Variants in BMPR1B observed in about 807,000 individuals in gnomAD.
BMPR1B encodes bone morphogenetic protein receptor type-1B.
In BMPR1B, 12 loss-of-function variants were observed where a neutral mutation model predicts 59.1. That is an observed-to-expected ratio of 0.20 (90% CI 0.13 to 0.33). BMPR1B has a LOEUF of 0.33. Among genes scored for constraint, BMPR1B ranks in the 10% least tolerant of loss-of-function variants. The pLI is 1.00. For missense variants in BMPR1B, 550 were observed against 610.9 expected (o/e 0.90, Z 1.05); for synonymous variants, 237 against 207.3 (o/e 1.14, Z -1.23).
chr4:94,852,494 A>G (rs1725605382), intron 1 of BMPR1B, among the ~76,000 whole-genome samples: 1 of 152,156 alleles, frequency 6.6e-6, no homozygotes, highest in African/African-American at 2.4e-5. Flanking sequence ...TACAATTAAG[A>G]TGTTGCTTTT....
chr4:94,845,263 A>C (rs1358453616), intron 1 of BMPR1B, among the ~76,000 whole-genome samples: 1 of 152,118 alleles, frequency 6.6e-6, no homozygotes, highest in Non-Finnish European at 1.5e-5. Flanking sequence ...GTTCAATATC[A>C]GGCAGTTGTT....
intron 8 of BMPR1B, among the ~76,000 whole-genome samples, chr4:95,125,449 G>A (rs1348358234): frequency 6.6e-6 from 1 of 152,110 alleles, no homozygotes; most frequent in Non-Finnish European, 1.5e-5. Context: ...GGCTTTTGAA[G>A]GCTAAAGTAT....
At chr4:94,988,263 A>C (rs1721534820) in intron 2 of BMPR1B, among the ~76,000 whole-genome samples, 1 of 152,132 alleles carries the variant, frequency 6.6e-6, no homozygotes, top group Non-Finnish European at 1.5e-5. Context: ...ATACAGCTGG[A>C]AACCCACCTA....
At chr4:94,871,909 A>G (rs1348029866) in intron 1 of BMPR1B, among the ~76,000 whole-genome samples, 1 of 152,222 alleles carries the variant, frequency 6.6e-6, no homozygotes, top group Non-Finnish European at 1.5e-5. Context: ...TAAATTGCAA[A>G]AGGAAAACAA....
intron 1 of BMPR1B, among the ~76,000 whole-genome samples, chr4:94,803,771 G>T (rs1256676505): frequency 6.6e-6 from 1 of 152,102 alleles, no homozygotes; most frequent in Non-Finnish European, 1.5e-5. Context: ...CTTTGCATAT[G>T]CATTTCTTCT....
intron 2 of BMPR1B, among the ~76,000 whole-genome samples, chr4:94,896,727 C>T (rs576745467): frequency 1.1e-3 from 164 of 151,944 alleles, no homozygotes; most frequent in African/African-American, 3.5e-3. Context: ...AGTGAAAATA[C>T]AGGTATAAGC....
At chr4:95,031,207 C>A (rs1478917348) in intron 3 of BMPR1B, among the ~76,000 whole-genome samples, 1 of 152,144 alleles carries the variant, frequency 6.6e-6, no homozygotes, top group Non-Finnish European at 1.5e-5. Context: ...ATCTATATAT[C>A]TTCTAGTTAA....
chr4:94,904,171 T>C (rs1727941397), intron 2 of BMPR1B, among the ~76,000 whole-genome samples: 2 of 152,020 alleles, frequency 1.3e-5, no homozygotes, highest in South Asian at 4.1e-4. Context: ...AAACAATTGG[T>C]ACACATCATA....
At chr4:95,130,235 A>G (rs1733228277) in intron 9 of BMPR1B, among the ~76,000 whole-genome samples, 181 bp downstream of exon 9, 1 of 152,186 alleles carries the variant, frequency 6.6e-6, no homozygotes, top group African/African-American at 2.4e-5. Context: ...AGGAATGACT[A>G]AGGCACTTCT....
chr4:95,136,173 A>G (rs1233073717), intron 10 of BMPR1B, among the ~76,000 whole-genome samples: 1 of 152,110 alleles, frequency 6.6e-6, no homozygotes, highest in Non-Finnish European at 1.5e-5. Context: ...CAACCAAAAA[A>G]AGTCCAGGAC....
At chr4:94,982,551 G>A (rs576674674) in intron 2 of BMPR1B, among the ~76,000 whole-genome samples, 1 of 152,286 alleles carries the variant, frequency 6.6e-6, no homozygotes, top group South Asian at 2.1e-4. Context: ...TCATTGGTTT[G>A]GGATATGTCC....
intron 2 of BMPR1B, among the ~76,000 whole-genome samples, chr4:94,951,306 T>C (rs912262554): frequency 1.3e-5 from 2 of 152,208 alleles, no homozygotes; most frequent in African/African-American, 4.8e-5. Context: ...CTTCCAATAC[T>C]ATGTTGAATA....
chr4:94,945,491 G>T (rs1729674812), intron 2 of BMPR1B, among the ~76,000 whole-genome samples: 1 of 152,170 alleles, frequency 6.6e-6, no homozygotes. Context: ...AGTCTAGAGT[G>T]CAGTGGTGTA....
intron 3 of BMPR1B, among the ~76,000 whole-genome samples, chr4:95,088,508 A>C (rs1176969131): frequency 6.6e-6 from 1 of 152,136 alleles, no homozygotes; most frequent in African/African-American, 2.4e-5. Context: ...TTAGGATATA[A>C]TGATCCTAGA....
At chr4:95,111,120 A>C (rs1731599845) in intron 4 of BMPR1B, among the ~76,000 whole-genome samples, 1 of 152,144 alleles carries the variant, frequency 6.6e-6, no homozygotes. Flanking sequence ...TTGTAGGAAA[A>C]CTGTTAATCT....
intron 3 of BMPR1B, among the ~76,000 whole-genome samples, chr4:95,033,483 G>T (rs1370829488): frequency 6.6e-6 from 1 of 152,040 alleles, no homozygotes; most frequent in Non-Finnish European, 1.5e-5. Flanking sequence ...TATAAGATAA[G>T]TCTCCAACTT....
At chr4:94,810,762 G>A (rs1723780241) in intron 1 of BMPR1B, among the ~76,000 whole-genome samples, 1 of 152,182 alleles carries the variant, frequency 6.6e-6, no homozygotes, top group African/African-American at 2.4e-5. Flanking sequence ...CTGCTGTGGT[G>A]CATTGTGTCC....
intron 3 of BMPR1B, among the ~76,000 whole-genome samples, chr4:95,026,114 C>CTTTCTTTCTT (rs1266181124): frequency 7.0e-6 from 1 of 142,508 alleles, no homozygotes; most frequent in Admixed American, 7.2e-5. Flanking sequence ...TTCTTTCTTT[C>CTTTCTTTCTT]TTTCTTTCTT....
In BMPR1B at chr4:94,832,082, A is replaced by G. The variant is rs537938422; in HGVS notation, c.-182-43749A>G. On this transcript the variant is annotated intron_variant, in intron 1 of 12. Transcript: ENST00000515059. ...AATATTAATAATAATAAAGTGCACA[A>G]TAAATGTAATACACTTGAATCATCC... Among the ~76,000 whole-genome samples the G allele has an allele frequency of 7.8e-4, 116 of 149,536 alleles. 1 individual carries two copies. The highest frequency in any genetic ancestry group is 1.4e-3 in the Non-Finnish European group (96 of 66,540).
Sources: allele counts gnomAD v4.1 joint callset (sites outside exome capture counted in the v4.1 genomes callset), GRCh38; gene constraint gnomAD v4.1.1; transcripts MANE v1.5; gene names NCBI Gene and HGNC (gene_info 2026-07-23, HGNC 2026-07-21).